Variants in PSAP observed in about 807,000 individuals in gnomAD.
The protein encoded by PSAP is precursor of saposins.
A neutral mutation model predicts 66.0 loss-of-function variants in PSAP; 25 were observed. The observed-to-expected ratio is 0.38, with a 90% CI of 0.28 to 0.53. PSAP has a LOEUF of 0.53. Ranked by LOEUF, PSAP falls within the 20% of genes least tolerant of loss-of-function variation. PSAP has a pLI of 0.83. For missense variants in PSAP, 649 were observed against 668.8 expected, an observed-to-expected ratio of 0.97 and a Z score of 0.33; for synonymous variants, 273 against 258.9, an observed-to-expected ratio of 1.05 and a Z score of -0.52.
intron 1 of PSAP, among the ~76,000 whole-genome samples, chr10:71,840,954 A>G (rs1378279663): frequency 6.6e-6 from 1 of 152,260 alleles, no homozygotes; most frequent in Admixed American, 6.5e-5. Flanking sequence ...CTGTAGTCCA[A>G]TAAAAACTCC....
chr10:71,829,009 C>G lies in PSAP; in HGVS notation c.444G>C (p.Leu148=). 1 of 1,614,162 alleles carries G rather than the reference C, an allele frequency of 6.2e-7. No individual in the cohort carries two copies. Among genetic ancestry groups the G allele is most frequent in the Non-Finnish European group, 8.5e-7 (1 of 1,180,028 alleles). ...CESLQKHLAE[L]NHQKQLESNK... ...TGGACTCCAGCTGCTTCTGGTGATT[C>G]AGCTCTGCTAGGTGCTTCTGGAGAG... is the stretch of plus-strand genomic sequence containing the variant. Residue 148 remains leucine, a synonymous_variant, in exon 5 of 14, where the codon CTG becomes CTC. Coordinates refer to ENST00000394936, the MANE Select transcript of PSAP (RefSeq NM_002778.4).
chr10:71,834,582 G>A, intron 1 of PSAP, 77 bp from the exon 2 acceptor site: 4 of 1,563,172 alleles, frequency 2.6e-6, no homozygotes, highest in South Asian at 1.2e-5. Flanking sequence ...CCCCAGGGCT[G>A]AGGGCGACTG....
In PSAP at chr10:71,818,724, T is replaced by C; in HGVS notation, c.1432A>G (p.Lys478Glu). The C allele has an allele frequency of 6.2e-7, 1 of 1,612,970 alleles. No homozygotes were observed. Among genetic ancestry groups the C allele is most frequent in the Non-Finnish European group, 8.5e-7 (1 of 1,178,974 alleles). Reference protein sequence around the residue: ...EVMDPSFVCLKIGACPSAHKP... With the variant: ...EVMDPSFVCLEIGACPSAHKP... Reference sequence around the variant, plus strand: ...TGGGCCGAGGGGCAGGCTCCAATTTTCTATATGGTGAGAAAAGGAAAGAAG... The same window carrying C: ...TGGGCCGAGGGGCAGGCTCCAATTTCCTATATGGTGAGAAAAGGAAAGAAG... Residue 478 changes from lysine to glutamate, a missense_variant and splice_region_variant, in exon 13 of 14, where the codon AAA becomes GAA. By Grantham distance (56) the Lys-to-Glu change is moderately conservative. Transcript: ENST00000394936.
At chr10:71,833,649 A>G (rs1047470258) in intron 2 of PSAP, among the ~76,000 whole-genome samples, 7 of 152,230 alleles carry the variant, frequency 4.6e-5, no homozygotes, top group East Asian at 1.9e-4. Flanking sequence ...CACAGCCCCA[A>G]GTGAGCCCAG....
intron 2 of PSAP, among the ~76,000 whole-genome samples, chr10:71,832,165 C>T (rs1213320961): frequency 6.6e-6 from 1 of 152,194 alleles, no homozygotes; most frequent in Non-Finnish European, 1.5e-5. Flanking sequence ...CATACCCACA[C>T]AGCACCCCAT....
intron 13 of PSAP, 144 bp downstream of exon 13, chr10:71,818,473 C>G: frequency 1.2e-6 from 1 of 805,218 alleles, no homozygotes; most frequent in Non-Finnish European, 2.2e-6. Context: ...ATGAGTAAGC[C>G]TAACCACCTC....
chr10:71,825,120 C>T (rs1393921615), intron 7 of PSAP, among the ~76,000 whole-genome samples: 2 of 152,296 alleles, frequency 1.3e-5, no homozygotes, highest in African/African-American at 4.8e-5. Flanking sequence ...AAGTACAAAA[C>T]ATGATGGGCC....
intron 7 of PSAP, among the ~76,000 whole-genome samples, chr10:71,824,170 A>G (rs1842357956): frequency 6.7e-6 from 1 of 149,554 alleles, no homozygotes; most frequent in Non-Finnish European, 1.5e-5. Flanking sequence ...GGTCTTACAC[A>G]CTAAATCACA....
chr10:71,834,646 G>A, intron 1 of PSAP, 141 bp from the exon 2 acceptor site: 1 of 1,077,914 alleles, frequency 9.3e-7, no homozygotes, highest in East Asian at 2.6e-5. Context: ...TGGGACACCA[G>A]CCACACAGAT....
chr10:71,816,845 T>C lies in PSAP; in HGVS notation c.*596A>G, dbSNP rs965039324. The C allele has an allele frequency of 6.5e-5, 13 of 198,680 alleles. No homozygotes were observed. Among genetic ancestry groups the C allele is most frequent in the Non-Finnish European group, 1.3e-4 (12 of 93,348 alleles). The allele number at this position is 198,680 out of a possible 1,614,324, so 12.3% of individuals were successfully genotyped here. On this transcript the variant is annotated 3_prime_UTR_variant, in exon 14 of 14. Transcript: ENST00000394936. ...CAGTTGAACCAGGGACAGAGAACCC[T>C]TGGCCCCACTGATGTCCCAAGCCAC...
chr10:71,832,502 T>C (rs1249390557), intron 2 of PSAP, among the ~76,000 whole-genome samples: 1 of 152,318 alleles, frequency 6.6e-6, no homozygotes, highest in South Asian at 2.1e-4. Context: ...GTCAACTGAC[T>C]TTCCATCCAT....
At position 71,818,705 on chromosome 10, in the gene PSAP, G is replaced by A. The variant is rs376015353; in HGVS notation, c.1451C>T (p.Ser484Leu). ...FVCLKIGACP[S>L]AHKPLLGTEK... The stretch of plus-strand genomic sequence containing the variant: ...AGTTCCCAACAAGGGCTTATGGGCC[G>A]AGGGGCAGGCTCCAATTTTCTATAT... Residue 484 changes from serine to leucine, a missense_variant, in exon 13 of 14, where the codon TCG (serine) becomes TTG (leucine). Transcript: ENST00000394936. 3 of 1,613,990 alleles carry A rather than the reference G, an allele frequency of 1.9e-6. No individual in the cohort carries two copies. Among genetic ancestry groups the A allele is most frequent in the Non-Finnish European group, 2.5e-6 (3 of 1,179,966 alleles).
intron 4 of PSAP, 50 bp from the exon 5 acceptor site, chr10:71,829,127 A>T (rs1412249003): frequency 6.5e-7 from 1 of 1,547,572 alleles, no homozygotes. Context: ...CCAGGGGAAA[A>T]TAAGACAGGC....
At position 71,823,936 on chromosome 10, in the gene PSAP, GAGAA is replaced by G; in HGVS notation, c.777+1897_777+1900del. ...AACAGGAAATCGGAGGTGAAAATAA[GAGAA>G]AGGAAAGGACACAACAGTTAAGAAA... On this transcript the variant is annotated intron_variant, in intron 7 of 13. Transcript: ENST00000394936. 3 of 1,287,386 alleles carry G rather than the reference GAGAA, an allele frequency of 2.3e-6. No homozygotes were observed. The South Asian group carries it at 3.7e-5, about 16-fold the overall frequency. 79.7% of individuals were successfully genotyped at this position (1,287,386 alleles called of 1,614,324 possible).
In PSAP at chr10:71,851,163, T is replaced by G. The variant is rs771708911; in HGVS notation, c.40+19A>C. 1 of 1,550,700 alleles carries G rather than the reference T, an allele frequency of 6.4e-7. No individual in the cohort carries two copies. Among genetic ancestry groups the G allele is most frequent in the Non-Finnish European group, 8.7e-7 (1 of 1,146,652 alleles). On this transcript the variant is annotated intron_variant, in intron 1 of 13. Transcript: ENST00000394936. ...GCTGCGAGGCACCTCCTCCCCAGGA[T>G]GAGGGTCCCAGGGCTTACCCGCGCC...
Position 71,834,485 on chromosome 10 carries a change from C to T in PSAP, c.61G>A (p.Gly21Arg). The change falls in exon 2 of 14, where the codon GGA becomes AGA. Residue 21 changes from glycine to arginine, a missense_variant. Physicochemically the swap from Gly to Arg is moderately radical, Grantham distance 125. Transcript: ENST00000394936. Reference sequence around the variant, plus strand: ...GAGCCCCTGGTGCATTCTTTCAGTCCAAGGACCGGGCCGGCTAGAGCTAAA... The same window carrying T: ...GAGCCCCTGGTGCATTCTTTCAGTCTAAGGACCGGGCCGGCTAGAGCTAAA... ...LGAALAGPVL[G>R]LKECTRGSAV... is the part of the protein sequence containing the mutation. 1 of 1,614,032 alleles carries T rather than the reference C, an allele frequency of 6.2e-7. No homozygotes were observed. The highest frequency in any genetic ancestry group is 8.5e-7 in the Non-Finnish European group (1 of 1,179,986).
intron 5 of PSAP, 24 bp from the exon 6 acceptor site, chr10:71,828,181 G>A: frequency 6.2e-7 from 1 of 1,614,000 alleles, no homozygotes; most frequent in South Asian, 1.1e-5. Flanking sequence ...AGTTAGGTTT[G>A]CAACTTAAGA....
chr10:71,834,065 C>T (rs1167750273), intron 2 of PSAP, among the ~76,000 whole-genome samples: 2 of 152,194 alleles, frequency 1.3e-5, no homozygotes. Context: ...GTGGGATCTG[C>T]ACAGAGGCCC....
Position 71,819,460 on chromosome 10 carries a change from C to T in PSAP, c.1350+5G>A, listed in dbSNP as rs11000016. The T allele has an allele frequency of 0.19, 301,198 of 1,613,782 alleles. 29,039 individuals are homozygous for T. The highest frequency in any genetic ancestry group is 0.27 in the East Asian group (12,194 of 44,864). ...TGGCCTACCGCAGCCCAGCCCGGGGCGTACCTGCTTCTGGTAAGGGTCTGG... is the reference window on the plus strand; with the variant it reads ...TGGCCTACCGCAGCCCAGCCCGGGGTGTACCTGCTTCTGGTAAGGGTCTGG... On this transcript the variant is annotated splice_donor_5th_base_variant and intron_variant, in intron 11 of 13. Transcript: ENST00000394936.
Sources: gnomAD v4.1 joint callset for allele counts (sites outside exome capture counted in the v4.1 genomes callset) on GRCh38, gnomAD v4.1.1 for gene constraint, MANE v1.5 for transcripts, NCBI Gene and HGNC (gene_info 2026-07-23, HGNC 2026-07-21) for gene names.